WDR72: variants seen among roughly 807,000 people sequenced by gnomAD.
The protein encoded by WDR72 is WD repeat domain 72.
A neutral mutation model predicts 124.2 loss-of-function variants in WDR72; 120 were observed. The observed-to-expected ratio is 0.97, with a 90% CI of 0.83 to 1.12. WDR72 has a LOEUF of 1.12. Ranked by LOEUF, WDR72 falls within the 50% of genes most tolerant of loss-of-function variation. WDR72 has a pLI of 0.00. For synonymous variants in WDR72, 452 were observed against 441.7 expected, an observed-to-expected ratio of 1.02 and a Z score of -0.29; for missense variants, 1,387 against 1,278.8, an observed-to-expected ratio of 1.08 and a Z score of -1.29.
chr15:53,531,573 A>C (rs1216901328), intron 18 of WDR72, among the ~76,000 whole-genome samples: 2 of 152,098 alleles, frequency 1.3e-5, no homozygotes, highest in East Asian at 1.9e-4. Context: ...CTTGATAAGT[A>C]GTAGAGTTTC....
intron 18 of WDR72, among the ~76,000 whole-genome samples, chr15:53,595,769 T>C (rs888572844): frequency 6.6e-6 from 1 of 152,154 alleles, no homozygotes; most frequent in African/African-American, 2.4e-5. Flanking sequence ...TTAAAATATG[T>C]AATACAACTA....
At chr15:53,711,832 C>T (rs959759831) in intron 7 of WDR72, among the ~76,000 whole-genome samples, 3 of 152,142 alleles carry the variant, frequency 2.0e-5, no homozygotes, top group Non-Finnish European at 4.4e-5. Context: ...TCACGTAAAT[C>T]TTTTGCTAGA....
upstream of WDR72, among the ~76,000 whole-genome samples, chr15:53,760,469 A>C (rs2019041226): frequency 6.6e-6 from 1 of 152,148 alleles, no homozygotes; most frequent in Non-Finnish European, 1.5e-5. Flanking sequence ...CACTTAACAT[A>C]ATGATCTCCA....
intron 13 of WDR72, among the ~76,000 whole-genome samples, chr15:53,687,024 A>G (rs959677985): frequency 1.9e-4 from 28 of 151,230 alleles, no homozygotes; most frequent in Non-Finnish European, 8.8e-5. Flanking sequence ...AAGAACAAAG[A>G]CACAACATAC....
intron 1 of WDR72, among the ~76,000 whole-genome samples, chr15:53,751,922 G>A (rs998820430): frequency 3.2e-4 from 48 of 152,164 alleles, no homozygotes; most frequent in African/African-American, 1.1e-3. Context: ...TAAGGTTGAT[G>A]TGAGTAAATA....
At chr15:53,632,493 A>G (rs966543005) in intron 14 of WDR72, among the ~76,000 whole-genome samples, 9 of 152,196 alleles carry the variant, frequency 5.9e-5, no homozygotes, top group African/African-American at 2.2e-4. Flanking sequence ...GGGGGGTTGA[A>G]GCCCCTACAT....
chr15:53,712,729 A>G, intron 7 of WDR72, 43 bp downstream of exon 7: 1 of 1,577,540 alleles, frequency 6.3e-7, no homozygotes, highest in Non-Finnish European at 8.7e-7. Context: ...AAAAAAAATT[A>G]CACTTGTACA....
intron 13 of WDR72, among the ~76,000 whole-genome samples, chr15:53,688,931 C>T (rs1444949272): frequency 6.6e-6 from 1 of 152,164 alleles, no homozygotes; most frequent in Non-Finnish European, 1.5e-5. Context: ...GCTATCTGAT[C>T]TTTGACAAAC....
At chr15:53,639,234 T>C (rs2014741088) in intron 14 of WDR72, among the ~76,000 whole-genome samples, 1 of 152,024 alleles carries the variant, frequency 6.6e-6, no homozygotes, top group South Asian at 2.1e-4. Flanking sequence ...CAAAAGTATC[T>C]CCTATGTGCT....
chr15:53,716,296 C>T (rs1002785568), intron 4 of WDR72, among the ~76,000 whole-genome samples: 3 of 152,102 alleles, frequency 2.0e-5, no homozygotes, highest in Non-Finnish European at 4.4e-5. Context: ...ATCATTAAAA[C>T]TGAATTTTTA....
chr15:53,524,862 T>C (rs765370001), intron 18 of WDR72, among the ~76,000 whole-genome samples: 8 of 152,116 alleles, frequency 5.3e-5, no homozygotes, highest in African/African-American at 9.6e-5. Flanking sequence ...GTCTAGGCCA[T>C]AGAAGGTATT....
At chr15:53,706,811 G>A (rs1034007540) in intron 9 of WDR72, among the ~76,000 whole-genome samples, 2 of 151,934 alleles carry the variant, frequency 1.3e-5, no homozygotes, top group African/African-American at 4.8e-5. Context: ...ATAATGGTGT[G>A]TATATACATA....
In WDR72 at chr15:53,615,753, T is replaced by C; in HGVS notation, c.2453A>G (p.His818Arg). The change falls in exon 15 of 20, where the codon CAC becomes CGC. Residue 818 changes from histidine to arginine, a missense_variant. Transcript: ENST00000360509. Reference sequence around the variant, plus strand: ...ACCCTGAAGCTTTAAAATATTGAGGTGCTTAATGCAAAGATAATCTAAATC... The same window carrying C: ...ACCCTGAAGCTTTAAAATATTGAGGCGCTTAATGCAAAGATAATCTAAATC... ...DKDLDYLCIKHLNILKLQGPI... is the reference protein window; with the variant it reads ...DKDLDYLCIKRLNILKLQGPI... 6.2e-7 allele frequency: 1 copy of C among 1,613,470 alleles called. No individual in the cohort carries two copies. The highest frequency in any genetic ancestry group is 8.5e-7 in the Non-Finnish European group (1 of 1,179,644).
chr15:53,637,017 A>C (rs912494405), intron 14 of WDR72, among the ~76,000 whole-genome samples: 1 of 152,092 alleles, frequency 6.6e-6, no homozygotes, highest in African/African-American at 2.4e-5. Context: ...CTCATTTCCC[A>C]TTGCCACTCC....
chr15:53,681,951 T>C (rs1314958197), intron 13 of WDR72, among the ~76,000 whole-genome samples: 1 of 152,250 alleles, frequency 6.6e-6, no homozygotes, highest in East Asian at 1.9e-4. Flanking sequence ...AATATAGAAA[T>C]GTTTATATAA....
At position 53,593,596 on chromosome 15, in the gene WDR72, T is replaced by C. The variant is rs1226282673; in HGVS notation, c.3148+3483A>G. Among the ~76,000 whole-genome samples, 23 of 151,918 alleles carry C rather than the reference T, an allele frequency of 1.5e-4. No individual in the cohort carries two copies. In the East Asian group the frequency reaches 4.3e-3, roughly 28 times the overall value. ...GGGTAACATGGTGAAACCCCATCTCTACAAAAAATACAAAAATTAGCCAGG... is the reference window on the plus strand; with the variant it reads ...GGGTAACATGGTGAAACCCCATCTCCACAAAAAATACAAAAATTAGCCAGG... On this transcript the variant is annotated intron_variant, in intron 18 of 19. Coordinates refer to ENST00000360509, the MANE Select transcript of WDR72 (RefSeq NM_182758.4).
chr15:53,634,960 T>C (rs1333280411), intron 14 of WDR72, among the ~76,000 whole-genome samples: 2 of 152,174 alleles, frequency 1.3e-5, no homozygotes, highest in African/African-American at 2.4e-5. Context: ...GACCTTCTGC[T>C]CTCACACAGC....
chr15:53,740,439 C>T (rs1281910191), intron 1 of WDR72, among the ~76,000 whole-genome samples: 1 of 151,824 alleles, frequency 6.6e-6, no homozygotes, highest in Non-Finnish European at 1.5e-5. Context: ...TCCCGAATAG[C>T]TGGGACTACA....
chr15:53,688,919 C>T (rs967970732), intron 13 of WDR72, among the ~76,000 whole-genome samples: 1 of 152,136 alleles, frequency 6.6e-6, no homozygotes, highest in Non-Finnish European at 1.5e-5. Flanking sequence ...CGCATATCTA[C>T]AGCTATCTGA....
Sources: gnomAD v4.1 joint callset for allele counts (sites outside exome capture counted in the v4.1 genomes callset) on GRCh38, gnomAD v4.1.1 for gene constraint, MANE v1.5 for transcripts, NCBI Gene and HGNC (gene_info 2026-07-23, HGNC 2026-07-21) for gene names.